CD8B2: variants seen among roughly 807,000 people sequenced by gnomAD.
The protein encoded by CD8B2 is CD8B family member 2.
Under a neutral mutation model 23.7 loss-of-function variants are expected in CD8B2, and 11 were observed. The observed-to-expected ratio is 0.46, with a 90% CI of 0.29 to 0.77. The LOEUF (loss-of-function observed/expected upper bound fraction) is 0.77, where lower values mean the gene tolerates loss of function less well. Among genes scored for constraint, CD8B2 ranks in the 30% least tolerant of loss-of-function variants. The pLI is 0.09. For missense variants in CD8B2, 197 were observed against 270.5 expected (o/e 0.73, Z 1.91); for synonymous variants, 90 against 109.3 (o/e 0.82, Z 1.10).
chr2:106,523,932 G>A (rs529959724), intron 5 of CD8B2, among the ~76,000 whole-genome samples: 53 of 152,266 alleles, frequency 3.5e-4, no homozygotes, highest in African/African-American at 1.2e-3. Flanking sequence ...AGCTCCATCC[G>A]ATTAGGTAAT....
At chr2:106,542,147 T>C (rs1189037501) in intron 5 of CD8B2, among the ~76,000 whole-genome samples, 1 of 152,242 alleles carries the variant, frequency 6.6e-6, no homozygotes, top group Non-Finnish European at 1.5e-5. Context: ...CCTCCCCTCC[T>C]CTGTAGATCC....
At chr2:106,525,717 G>A (rs1049843172) in intron 5 of CD8B2, among the ~76,000 whole-genome samples, 1 of 152,102 alleles carries the variant, frequency 6.6e-6, no homozygotes, top group Non-Finnish European at 1.5e-5. Context: ...TATAAATAAT[G>A]TATAATATGG....
chr2:106,520,382 T>C (rs1679805297), intron 5 of CD8B2, among the ~76,000 whole-genome samples: 1 of 152,166 alleles, frequency 6.6e-6, no homozygotes, highest in Non-Finnish European at 1.5e-5. Flanking sequence ...ATCTCAGGCT[T>C]CCCTACCTGG....
chr2:106,503,935 G>A (rs181566878), intron 4 of CD8B2, among the ~76,000 whole-genome samples: 3,291 of 152,306 alleles, frequency 0.022, 53 homozygotes, highest in Non-Finnish European at 0.03. Context: ...CTGACCTGCT[G>A]TGAAGGGCAA....
At chr2:106,488,065 G>A (rs1679113397) in intron 1 of CD8B2, among the ~76,000 whole-genome samples, 1 of 152,088 alleles carries the variant, frequency 6.6e-6, no homozygotes, top group Admixed American at 6.5e-5. Flanking sequence ...GGGGCATCTG[G>A]ATTGTCCTTC....
downstream of CD8B2, among the ~76,000 whole-genome samples, chr2:106,511,300 G>T (rs572474501): frequency 4.5e-4 from 68 of 152,282 alleles, no homozygotes; most frequent in African/African-American, 1.5e-3. Context: ...ACATGGGGCT[G>T]GGCTCGTGGC....
intron 5 of CD8B2, among the ~76,000 whole-genome samples, chr2:106,506,385 T>C: frequency 6.6e-6 from 1 of 152,134 alleles, no homozygotes; most frequent in East Asian, 1.9e-4. Context: ...ACCTCCTCAC[T>C]CTCTTCATTT....
intron 5 of CD8B2, among the ~76,000 whole-genome samples, chr2:106,523,147 T>G (rs1473714502): frequency 6.6e-6 from 1 of 151,898 alleles, no homozygotes; most frequent in African/African-American, 2.4e-5. Context: ...GGGAGAAAAA[T>G]TCCCCGAACA....
chr2:106,510,907 C>T lies in CD8B2; in HGVS notation c.*3967C>T, dbSNP rs1454012130. The stretch of plus-strand genomic sequence containing the variant: ...TTCTCTAATAATAAATCAAGGCCTC[C>T]GGGTATATTTGTTTGTATATGTACA... On this transcript the variant is annotated 3_prime_UTR_variant, in exon 6 of 6. Coordinates refer to ENST00000643224, the MANE Select transcript of CD8B2 (RefSeq NM_001349727.2). 5 of 151,840 alleles carry T rather than the reference C, an allele frequency of 3.3e-5. No homozygotes were observed. The highest frequency in any genetic ancestry group is 1.2e-4 in the African/African-American group (5 of 41,314). 9.4% of individuals were successfully genotyped at this position (151,840 alleles called of 1,614,324 possible). A position where few individuals can be genotyped will look rare whatever the true frequency, so the allele number is the denominator to read the frequency against.
At chr2:106,526,199 G>A (rs182091346) in intron 5 of CD8B2, among the ~76,000 whole-genome samples, 108 of 149,722 alleles carry the variant, frequency 7.2e-4, no homozygotes, top group Non-Finnish European at 1.4e-3. Context: ...GGAGATTGCA[G>A]TACTGCACTC....
chr2:106,524,847 G>GCCT (rs1343788204), intron 5 of CD8B2, among the ~76,000 whole-genome samples: 1 of 152,122 alleles, frequency 6.6e-6, no homozygotes, highest in Non-Finnish European at 1.5e-5. Flanking sequence ...AAAACTGGGT[G>GCCT]CCTCTGCCCT....
intron 5 of CD8B2, among the ~76,000 whole-genome samples, chr2:106,539,341 G>A (rs1275966813): frequency 1.3e-5 from 2 of 152,116 alleles, no homozygotes; most frequent in African/African-American, 4.8e-5. Context: ...TGAGTTCAAG[G>A]GGAAATATAT....
chr2:106,536,110 T>G (rs1680085266), intron 5 of CD8B2, among the ~76,000 whole-genome samples: 1 of 148,528 alleles, frequency 6.7e-6, no homozygotes, highest in Non-Finnish European at 1.5e-5. Flanking sequence ...TCTCAGCTCA[T>G]CACAACCTCT....
At chr2:106,535,022 A>G (rs1167591320) in intron 5 of CD8B2, 1 of 152,148 alleles carries the variant, frequency 6.6e-6, no homozygotes, top group Non-Finnish European at 1.5e-5. Flanking sequence ...CAGTTTCACC[A>G]TGTTGGCCAG....
rs2104562392 is a variant in CD8B2, at chr2:106,509,853, C to T, written c.*2913C>T. ...TGTTGGCATTTATCTGAAAGAAATA[C>T]ATCAAAAAGTGGCATGCACAAAGAA... On this transcript the variant is annotated 3_prime_UTR_variant, in exon 6 of 6. Transcript: ENST00000643224. 6.6e-6 allele frequency: 1 copy of T among 152,290 alleles called. No individual in the cohort carries two copies. Among genetic ancestry groups the T allele is most frequent in the African/African-American group, 2.4e-5 (1 of 41,576 alleles). The allele number at this position is 152,290 out of a possible 1,614,324, so 9.4% of individuals were successfully genotyped here.
intron 3 of CD8B2, among the ~76,000 whole-genome samples, chr2:106,498,012 T>C (rs879711983): frequency 3.9e-5 from 6 of 152,190 alleles, no homozygotes; most frequent in Admixed American, 1.3e-4. Flanking sequence ...ACCTTCATCC[T>C]AGCACTAAAT....
chr2:106,498,448 T>G (rs1284267026), intron 3 of CD8B2, among the ~76,000 whole-genome samples: 1 of 152,066 alleles, frequency 6.6e-6, no homozygotes, highest in Non-Finnish European at 1.5e-5. Flanking sequence ...ACGCCTGGCC[T>G]CTTGCATCAT....
chr2:106,500,960 C>T (rs1328447197), intron 3 of CD8B2, among the ~76,000 whole-genome samples: 1 of 152,242 alleles, frequency 6.6e-6, no homozygotes, highest in East Asian at 1.9e-4. Context: ...TAACATTTTC[C>T]CCCACTTGAC....
At position 106,507,536 on chromosome 2, in the gene CD8B2, C is replaced by T; in HGVS notation, c.*596C>T. The T allele has an allele frequency of 4.1e-6, 4 of 983,262 alleles. No homozygotes were observed. The highest frequency in any genetic ancestry group is 4.8e-6 in the Non-Finnish European group (4 of 827,948). 60.9% of individuals were successfully genotyped at this position (983,262 alleles called of 1,614,324 possible). ...AGGAGTTCACTTCATCTTCTTAGCT[C>T]CAATTTCTACTCTTAAGTTTCTCAG... On this transcript the variant is annotated 3_prime_UTR_variant, in exon 6 of 6. Coordinates refer to ENST00000643224, the MANE Select transcript of CD8B2 (RefSeq NM_001349727.2).
Sources: allele counts gnomAD v4.1 joint callset (sites outside exome capture counted in the v4.1 genomes callset), GRCh38; gene constraint gnomAD v4.1.1; transcripts MANE v1.5; gene names NCBI Gene and HGNC (gene_info 2026-07-23, HGNC 2026-07-21).